The following MAGI3 variants were observed in gnomAD, a reference collection of about 807,000 sequenced individuals.
MAGI3 encodes membrane associated guanylate kinase, WW and PDZ domain containing 3.
In MAGI3, 43 loss-of-function variants were observed where a neutral mutation model predicts 121.8. The observed-to-expected ratio is 0.35, with a 90% CI of 0.28 to 0.46. MAGI3 has a LOEUF of 0.46. Among genes scored for constraint, MAGI3 ranks in the 20% least tolerant of loss-of-function variants. The pLI, the probability that MAGI3 is intolerant of heterozygous loss-of-function variation, is 1.00. For synonymous variants in MAGI3, 553 were observed against 639.3 expected, an observed-to-expected ratio of 0.86 and a Z score of 2.04; for missense variants, 1,547 against 1,797.3, an observed-to-expected ratio of 0.86 and a Z score of 2.52.
At chr1:113,618,623 A>G in intron 7 of MAGI3, 3 of 390,422 alleles carry the variant, frequency 7.7e-6, no homozygotes, top group South Asian at 3.8e-5. Context: ...CTCCTACCTC[A>G]GCTTCCTGAG....
chr1:113,396,287 T>TTATGTG (rs1553180547), intron 1 of MAGI3, among the ~76,000 whole-genome samples: 1 of 146,878 alleles, frequency 6.8e-6, no homozygotes, highest in African/African-American at 2.5e-5. Context: ...AATGTCAGGG[T>TTATGTG]TGTGTGTGTG....
chr1:113,415,377 GC>G lies in MAGI3; in HGVS notation c.316+24030del, dbSNP rs1463910708. ...TTTTGTAACCATCCCCATTCCCCAC[GC>G]CTGATAGAACATCTAACACTAATTG... On this transcript the variant is annotated intron_variant, in intron 1 of 20. Coordinates refer to ENST00000307546, the MANE Select transcript of MAGI3 (RefSeq NM_001142782.2). Among the ~76,000 whole-genome samples, 3 of 151,914 alleles carry G rather than the reference GC, an allele frequency of 2.0e-5. No homozygotes were observed. The East Asian group carries it at 5.8e-4, about 29-fold the overall frequency.
intron 7 of MAGI3, among the ~76,000 whole-genome samples, chr1:113,616,545 T>C (rs1225927394): frequency 1.3e-5 from 2 of 152,158 alleles, no homozygotes; most frequent in Non-Finnish European, 2.9e-5. Context: ...CCAACTGCAG[T>C]GGTAGTTTTT....
At chr1:113,557,802 G>A (rs144213470) in intron 2 of MAGI3, among the ~76,000 whole-genome samples, 61 of 152,272 alleles carry the variant, frequency 4.0e-4, no homozygotes, top group African/African-American at 1.3e-3. Flanking sequence ...CTACAGGTAC[G>A]TTCGGGCTGG....
At chr1:113,639,140 C>A (rs1446373740) in intron 9 of MAGI3, among the ~76,000 whole-genome samples, 1 of 152,216 alleles carries the variant, frequency 6.6e-6, no homozygotes, top group African/African-American at 2.4e-5. Flanking sequence ...GTCTGTCACC[C>A]CTTTCTTTGA....
At chr1:113,593,132 A>C (rs1415430316) in intron 5 of MAGI3, among the ~76,000 whole-genome samples, 1 of 152,250 alleles carries the variant, frequency 6.6e-6, no homozygotes, top group Non-Finnish European at 1.5e-5. Context: ...AGAAGATGTG[A>C]GTAATTCCCT....
intron 1 of MAGI3, among the ~76,000 whole-genome samples, chr1:113,469,860 A>G (rs1655461346): frequency 6.6e-6 from 1 of 152,190 alleles, no homozygotes; most frequent in Admixed American, 6.5e-5. Context: ...CCAGTATGTT[A>G]TTATTCTGAA....
rs5777158 is a variant in MAGI3 at position 113,405,474 on chromosome 1, C to CAAAAAAAAAAAAAAA, written c.316+14139_316+14153dup. 2.9e-4 allele frequency among the ~76,000 whole-genome samples: 16 copies of CAAAAAAAAAAAAAAA among 54,350 alleles called. 1 individual carries two copies. In the East Asian group the frequency reaches 3.2e-3, roughly 11 times the overall value. The allele number at this position is 54,350 out of a possible 152,430, so 35.7% of individuals were successfully genotyped here. On this transcript the variant is annotated intron_variant, in intron 1 of 20. Coordinates refer to ENST00000307546, the MANE Select transcript of MAGI3 (RefSeq NM_001142782.2). ...CCTGGGCAACAGAGTGAAACTGTCT[C>CAAAAAAAAAAAAAAA]AAAAAAAAAAAAAAAAAAAAAAAAA... is the stretch of plus-strand genomic sequence containing the variant.
Position 113,654,004 on chromosome 1 carries a change from A to AACCACC in MAGI3, c.2616_2621dup (p.Pro874_Pro875dup). On this transcript the variant is annotated inframe_insertion, in exon 15 of 21. Transcript: ENST00000307546. ...TTTGTCATCCTCACCTCCAAAAACA[A>AACCACC]ACCACCTCCAGGAGGTAAGGGCTAT... The AACCACC allele has an allele frequency of 6.2e-7, 1 of 1,612,906 alleles. No individual in the cohort carries two copies. Among genetic ancestry groups the AACCACC allele is most frequent in the South Asian group, 1.1e-5 (1 of 90,942 alleles).
At chr1:113,555,937 T>C (rs1289914255) in intron 2 of MAGI3, among the ~76,000 whole-genome samples, 1 of 152,042 alleles carries the variant, frequency 6.6e-6, no homozygotes, top group African/African-American at 2.4e-5. Context: ...CAGAAATTAA[T>C]AATTAATAGC....
Position 113,681,255 on chromosome 1 carries a change from C to T in MAGI3, c.3247C>T (p.Arg1083Ter). 6.2e-7 allele frequency: 1 copy of T among 1,614,062 alleles called. No individual in the cohort carries two copies. ...GEPTQGITHT[R>*]AIELIQAGGN... ...ACCTACACAAGGAATCACACATACT[C>T]GAGCAATTGAGCTCATTCAGGCTGG... Residue 1083 changes from arginine (R) to a stop codon, truncating the protein, a stop_gained, in exon 20 of 21, where the codon CGA becomes TGA. Coordinates refer to ENST00000307546, the MANE Select transcript of MAGI3 (RefSeq NM_001142782.2). LOFTEE classifies it high-confidence loss of function.
chr1:113,536,391 T>C (rs1009993741), intron 1 of MAGI3, among the ~76,000 whole-genome samples: 1 of 152,138 alleles, frequency 6.6e-6, no homozygotes, highest in African/African-American at 2.4e-5. Context: ...TTTGAGATAA[T>C]GTATTTTTTG....
At chr1:113,427,911 G>A (rs192316023) in intron 1 of MAGI3, among the ~76,000 whole-genome samples, 96 of 152,126 alleles carry the variant, frequency 6.3e-4, no homozygotes, top group Non-Finnish European at 8.2e-4. Context: ...TCTTGAATGG[G>A]TAAACTTTAG....
At chr1:113,665,242 G>A (rs1441758786) in intron 16 of MAGI3, among the ~76,000 whole-genome samples, 1 of 152,030 alleles carries the variant, frequency 6.6e-6, no homozygotes, top group Non-Finnish European at 1.5e-5. Flanking sequence ...CTATTAGACA[G>A]CACTTCTTTG....
chr1:113,503,719 AATT>A (rs1442858487), intron 1 of MAGI3, among the ~76,000 whole-genome samples: 3 of 152,138 alleles, frequency 2.0e-5, no homozygotes, highest in Non-Finnish European at 4.4e-5. Flanking sequence ...ATTACACTTA[AATT>A]ATTATTAAAT....
rs1557745057 is a variant in MAGI3 at position 113,416,418 on chromosome 1, A to AATATAT, written c.316+25071_316+25072insATATAT. Among the ~76,000 whole-genome samples, 650 of 116,764 alleles carry AATATAT rather than the reference A, an allele frequency of 5.6e-3. 7 individuals carry two copies. The highest frequency in any genetic ancestry group is 7.2e-3 in the Non-Finnish European group (414 of 57,802). The allele number at this position is 116,764 out of a possible 152,430, so 76.6% of individuals were successfully genotyped here. ...AATTATTAATTAATTAATAATTAAT[A>AATATAT]ATTAATAATATATATTAATTATATA... On this transcript the variant is annotated intron_variant, in intron 1 of 20. Coordinates refer to ENST00000307546, the MANE Select transcript of MAGI3 (RefSeq NM_001142782.2).
chr1:113,540,581 C>T (rs1363815763), intron 1 of MAGI3, among the ~76,000 whole-genome samples: 1 of 152,116 alleles, frequency 6.6e-6, no homozygotes, highest in African/African-American at 2.4e-5. Context: ...AAACTGAAAC[C>T]ACTAGATAAA....
At chr1:113,532,043 A>G (rs1570810336) in intron 1 of MAGI3, among the ~76,000 whole-genome samples, 1 of 152,334 alleles carries the variant, frequency 6.6e-6, no homozygotes, top group East Asian at 1.9e-4. Context: ...AAATTTTATA[A>G]TATACCATAA....
intron 3 of MAGI3, among the ~76,000 whole-genome samples, chr1:113,584,785 G>C (rs1171012678): frequency 6.6e-6 from 1 of 151,982 alleles, no homozygotes; most frequent in African/African-American, 2.4e-5. Context: ...ATCCCTGTAG[G>C]AATGAATAAT....
Sources: allele counts gnomAD v4.1 joint callset (sites outside exome capture counted in the v4.1 genomes callset), GRCh38; gene constraint gnomAD v4.1.1; transcripts MANE v1.5; gene names NCBI Gene and HGNC (gene_info 2026-07-23, HGNC 2026-07-21).